RPS6KA6: variants seen among roughly 807,000 people sequenced by gnomAD.
RPS6KA6 encodes ribosomal protein S6 kinase A6.
A neutral mutation model predicts 65.4 loss-of-function variants in RPS6KA6; 27 were observed. The ratio of observed to expected loss-of-function variants is 0.41; its 90% CI spans 0.30 to 0.57. The LOEUF is 0.57. Ranked by LOEUF, RPS6KA6 falls within the 20% of genes least tolerant of loss-of-function variation. RPS6KA6 has a pLI of 0.24. For synonymous variants in RPS6KA6, 190 were observed against 184.2 expected (o/e 1.03, Z -0.26); for missense variants, 486 against 555.6 (o/e 0.87, Z 1.26).
chrX:84,090,170 A>T (rs1294878155), intron 20 of RPS6KA6, among the ~76,000 whole-genome samples: 1 of 112,369 alleles, frequency 8.9e-6, no homozygotes, highest in Non-Finnish European at 1.9e-5. Context: ...AATGTGTAAC[A>T]ATTCATATAT....
intron 20 of RPS6KA6, among the ~76,000 whole-genome samples, chrX:84,093,649 A>T (rs772457294): frequency 8.9e-6 from 1 of 112,477 alleles, no homozygotes; most frequent in Non-Finnish European, 1.9e-5. Flanking sequence ...AATACATGGA[A>T]CACAGAAAAC....
At chrX:84,077,533 C>T (rs947067691) in intron 20 of RPS6KA6, among the ~76,000 whole-genome samples, 3 of 111,321 alleles carry the variant, frequency 2.7e-5, no homozygotes, top group Non-Finnish European at 5.7e-5. Context: ...AAAAGTGGTA[C>T]TGGAACAACT....
At chrX:84,076,441 A>G (rs1368026055) in intron 20 of RPS6KA6, among the ~76,000 whole-genome samples, 1 of 111,936 alleles carries the variant, frequency 8.9e-6, no homozygotes, top group Admixed American at 9.5e-5. Flanking sequence ...AGCTATATAT[A>G]GTCTATTATG....
chrX:84,079,647 C>A (rs147514690), intron 20 of RPS6KA6, among the ~76,000 whole-genome samples: 1 of 111,147 alleles, frequency 9.0e-6, no homozygotes, highest in African/African-American at 3.3e-5. Context: ...GGGGGAGGGG[C>A]GTCCACCATC....
chrX:84,184,489 T>C (rs1199279285), intron 1 of RPS6KA6, among the ~76,000 whole-genome samples: 1 of 111,895 alleles, frequency 8.9e-6, no homozygotes, highest in Non-Finnish European at 1.9e-5. Context: ...CTCCAACTTA[T>C]AGACAAAGAA....
At position 84,107,059 on chromosome X, in the gene RPS6KA6, C is replaced by T. The variant is rs1469511637; in HGVS notation, c.1112-19G>A. 1.7e-6 allele frequency: 2 copies of T among 1,164,274 alleles called. No homozygotes were observed. The highest frequency in any genetic ancestry group is 3.9e-5 in the South Asian group (2 of 50,824). ...GGAGAATCTAATGTCCAAATAATTA[C>T]ATTTAATTATAACTACACACAGAAT... On this transcript the variant is annotated intron_variant, in intron 13 of 21. Coordinates refer to ENST00000262752, the MANE Select transcript of RPS6KA6 (RefSeq NM_014496.5).
chrX:84,164,398 TTG>T lies in RPS6KA6; in HGVS notation c.82-13_82-12del, dbSNP rs2035565895. 1 of 1,166,689 alleles carries T rather than the reference TTG, an allele frequency of 8.6e-7. No individual in the cohort carries two copies. The highest frequency in any genetic ancestry group is 2.3e-5 in the Admixed American group (1 of 44,442). On this transcript the variant is annotated splice_polypyrimidine_tract_variant and intron_variant, in intron 1 of 21. Coordinates refer to ENST00000262752, the MANE Select transcript of RPS6KA6 (RefSeq NM_014496.5). ...TTTAAGACCATTTACCTGAAAAACA[TTG>T]TTCAAAAATTGAGGTTCAAAAGTAT...
intron 1 of RPS6KA6, 132 bp downstream of exon 1, chrX:84,187,687 A>C: frequency 1.8e-6 from 1 of 558,463 alleles, no homozygotes; most frequent in Non-Finnish European, 2.8e-6. Context: ...AGGGCAGTGG[A>C]GGCAGCATCA....
chrX:84,067,565 T>G (rs760687664), intron 20 of RPS6KA6, among the ~76,000 whole-genome samples: 2 of 111,391 alleles, frequency 1.8e-5, no homozygotes, highest in East Asian at 5.7e-4. Flanking sequence ...ACATGAAGAT[T>G]AGAGAAAAAA....
chrX:84,073,644 A>G lies in RPS6KA6; in HGVS notation c.1972-8533T>C, dbSNP rs760966575. Reference sequence around the variant, plus strand: ...AGTACATATCTGAAAAGGGATTAATATCCAGAATATATAAAACATTCAAAC... The same window carrying G: ...AGTACATATCTGAAAAGGGATTAATGTCCAGAATATATAAAACATTCAAAC... On this transcript the variant is annotated intron_variant, in intron 20 of 21. Coordinates refer to ENST00000262752, the MANE Select transcript of RPS6KA6 (RefSeq NM_014496.5). 9.7e-4 allele frequency among the ~76,000 whole-genome samples: 109 copies of G among 111,909 alleles called. No homozygotes were observed. The South Asian group carries it at 0.011, about 12-fold the overall frequency.
At chrX:84,094,118 G>A (rs748005351) in intron 20 of RPS6KA6, among the ~76,000 whole-genome samples, 1 of 110,027 alleles carries the variant, frequency 9.1e-6, no homozygotes, top group Non-Finnish European at 1.9e-5. Flanking sequence ...AAAGTGGTGA[G>A]GAGCTGAAGC....
At chrX:84,164,425 T>A in intron 1 of RPS6KA6, 38 bp from the exon 2 acceptor site, 9 of 995,696 alleles carry the variant, frequency 9.0e-6, no homozygotes, top group Non-Finnish European at 1.1e-5. Context: ...TTCAAAAGTA[T>A]TAAAACAAGA....
chrX:84,068,346 C>T (rs963119745), intron 20 of RPS6KA6, among the ~76,000 whole-genome samples: 2 of 111,974 alleles, frequency 1.8e-5, no homozygotes, highest in African/African-American at 6.5e-5. Context: ...TCTCAATAGA[C>T]GCAGAAAAGG....
At chrX:84,064,424 A>G (rs2033354885) in intron 21 of RPS6KA6, 22 bp from the exon 22 acceptor site, 2 of 1,162,693 alleles carry the variant, frequency 1.7e-6, no homozygotes, top group East Asian at 6.1e-5. Context: ...AGAAAATGCC[A>G]CAAACTAAGT....
Position 84,096,297 on chromosome X carries a change from G to T in RPS6KA6, c.1868C>A (p.Ala623Asp). The change falls in exon 20 of 22, where the codon GCT (alanine) becomes GAT (aspartate). Residue 623 changes from alanine (A) to aspartate (D), a missense_variant. Transcript: ENST00000262752. Reference sequence around the variant, plus strand: ...TTCAGGAGTATCATTGGGGCCATTAGCAAATGGAGTGTAGCTATTAATAAA... The same window carrying T: ...TTCAGGAGTATCATTGGGGCCATTATCAAATGGAGTGTAGCTATTAATAAA... ...YTMLAGYTPF[A>D]NGPNDTPEEI... 1 of 1,124,641 alleles carries T rather than the reference G, an allele frequency of 8.9e-7. No homozygotes were observed. The highest frequency in any genetic ancestry group is 1.2e-6 in the Non-Finnish European group (1 of 831,292). 92.7% of individuals were successfully genotyped at this position (1,124,641 alleles called of 1,213,427 possible).
chrX:84,142,503 G>T (rs1164747421), intron 6 of RPS6KA6, among the ~76,000 whole-genome samples: 1 of 111,220 alleles, frequency 9.0e-6, no homozygotes, highest in Non-Finnish European at 1.9e-5. Flanking sequence ...AAAGATTAAA[G>T]CAGAAAACAA....
intron 1 of RPS6KA6, among the ~76,000 whole-genome samples, chrX:84,180,077 C>T (rs980136770): frequency 1.8e-4 from 20 of 111,348 alleles, no homozygotes; most frequent in Admixed American, 1.1e-3. Context: ...ACATTCAGTC[C>T]ACATTTCCCC....
chrX:84,071,263 G>A (rs1196345972), intron 20 of RPS6KA6, among the ~76,000 whole-genome samples: 1 of 111,693 alleles, frequency 9.0e-6, no homozygotes, highest in Admixed American at 9.6e-5. Context: ...ATAAAGACGT[G>A]GGGAAACAAC....
At chrX:84,182,128 G>A (rs1393683740) in intron 1 of RPS6KA6, among the ~76,000 whole-genome samples, 9 of 106,522 alleles carry the variant, frequency 8.4e-5, no homozygotes, top group Non-Finnish European at 1.7e-4. Context: ...TGTTTCTAAT[G>A]TAGAGATACA....
Sources: allele counts gnomAD v4.1 joint callset (sites outside exome capture counted in the v4.1 genomes callset), GRCh38; gene constraint gnomAD v4.1.1; transcripts MANE v1.5; gene names NCBI Gene and HGNC (gene_info 2026-07-23, HGNC 2026-07-21).